VPS13B: variants seen among roughly 807,000 people sequenced by gnomAD.
The protein encoded by VPS13B is vacuolar protein sorting 13 homolog B, also known as intermembrane lipid transfer protein VPS13B.
A neutral mutation model predicts 426.4 loss-of-function variants in VPS13B; 285 were observed. The ratio of observed to expected loss-of-function variants is 0.67; its 90% CI spans 0.61 to 0.74. The LOEUF (loss-of-function observed/expected upper bound fraction) is 0.74. VPS13B is among the 30% of genes least tolerant of loss of function. The pLI is 0.00. For missense variants in VPS13B, 4,537 were observed against 4,782.6 expected, an observed-to-expected ratio of 0.95 and a Z score of 1.51; for synonymous variants, 1,676 against 1,676.4, an observed-to-expected ratio of 1.00 and a Z score of 0.01.
At chr8:99,835,366 A>G (rs781600540) in intron 53 of VPS13B, 42 bp downstream of exon 53, 29 of 1,590,480 alleles carry the variant, frequency 1.8e-5, no homozygotes, top group Non-Finnish European at 1.8e-5. Context: ...CTAAATGTGT[A>G]TTTTTTCTGG....
intron 56 of VPS13B, among the ~76,000 whole-genome samples, chr8:99,856,326 T>C (rs1180167868): frequency 6.6e-6 from 1 of 152,136 alleles, no homozygotes; most frequent in African/African-American, 2.4e-5. Context: ...CTGAAGACCA[T>C]CTGAAAGAAA....
intron 30 of VPS13B, among the ~76,000 whole-genome samples, chr8:99,549,785 T>G (rs550803397): frequency 9.4e-4 from 143 of 152,198 alleles, no homozygotes; most frequent in Middle Eastern, 6.8e-3. Flanking sequence ...GTTCAGAGCC[T>G]TTTCAGGGTT....
intron 3 of VPS13B, among the ~76,000 whole-genome samples, chr8:99,046,555 G>C (rs1843250373): frequency 6.6e-6 from 1 of 152,004 alleles, no homozygotes; most frequent in African/African-American, 2.4e-5. Flanking sequence ...TCTCTTATCT[G>C]ATTGCTCTGG....
At chr8:99,637,899 T>G (rs772424182) in intron 33 of VPS13B, among the ~76,000 whole-genome samples, 4 of 152,136 alleles carry the variant, frequency 2.6e-5, no homozygotes, top group Non-Finnish European at 5.9e-5. Flanking sequence ...TGATTGGAGT[T>G]TGCCATGGAA....
chr8:99,133,887 G>C (rs1809933225), intron 8 of VPS13B, among the ~76,000 whole-genome samples: 1 of 152,158 alleles, frequency 6.6e-6, no homozygotes, highest in African/African-American at 2.4e-5. Flanking sequence ...GAACTATTGG[G>C]AGAATTACCA....
chr8:99,743,181 AACAG>A (rs1424738332), intron 39 of VPS13B, among the ~76,000 whole-genome samples: 3 of 152,178 alleles, frequency 2.0e-5, no homozygotes, highest in Non-Finnish European at 4.4e-5. Context: ...ATACACCAAT[AACAG>A]ACAAACAGCC....
At chr8:99,780,240 G>GT (rs1056805898) in intron 42 of VPS13B, among the ~76,000 whole-genome samples, 1 of 152,000 alleles carries the variant, frequency 6.6e-6, no homozygotes, top group Admixed American at 6.6e-5. Flanking sequence ...TCCAATTTCT[G>GT]TTTTTTGGTT....
chr8:99,121,750 G>A (rs1847946976), intron 8 of VPS13B: 1 of 418,340 alleles, frequency 2.4e-6, no homozygotes, highest in Non-Finnish European at 3.5e-6. Context: ...AAAAAAGAAA[G>A]GAACAGCAAA....
intron 17 of VPS13B, among the ~76,000 whole-genome samples, chr8:99,228,524 T>TTTTATTC (rs1816142520): frequency 6.6e-6 from 1 of 152,154 alleles, no homozygotes; most frequent in Non-Finnish European, 1.5e-5. Context: ...CTAAGAAAAA[T>TTTTATTC]ACAGTTATTT....
intron 1 of VPS13B, 57 bp from the exon 2 acceptor site, chr8:99,013,703 A>C: frequency 6.5e-7 from 1 of 1,547,140 alleles, no homozygotes; most frequent in Non-Finnish European, 8.9e-7. Context: ...TGAGATAACG[A>C]ACGCTCTTTC....
Position 99,840,729 on chromosome 8 carries a change from T to A in VPS13B, c.9942+4991T>A, listed in dbSNP as rs796205972. Reference sequence around the variant, plus strand: ...GTGCCTTGATGAACCAGGACTCAAATGTGTAATCTGTCCATTTGGTGCAGA... The same window carrying A: ...GTGCCTTGATGAACCAGGACTCAAAAGTGTAATCTGTCCATTTGGTGCAGA... On this transcript the variant is annotated intron_variant, in intron 54 of 61. Transcript: ENST00000357162. 3.2e-4 allele frequency among the ~76,000 whole-genome samples: 49 copies of A among 152,264 alleles called. 1 individual carries two copies. The highest frequency in any genetic ancestry group is 1.2e-3 in the African/African-American group (48 of 41,514).
rs72672377 is a variant in VPS13B at position 99,347,034 on chromosome 8, C to T, written c.2825-37174C>T. 7.6e-3 allele frequency: 1,184 copies of T among 154,996 alleles called. 8 individuals carry two copies. The highest frequency in any genetic ancestry group is 0.029 in the South Asian group (147 of 5,058). 9.6% of individuals were successfully genotyped at this position (154,996 alleles called of 1,614,324 possible). ...CCTGTTCCACTGGCCAATGCAGGGG[C>T]CACAGACAGTGGCCAGGACAATGCC... is the stretch of plus-strand genomic sequence containing the variant. On this transcript the variant is annotated intron_variant, in intron 19 of 61. Transcript: ENST00000357162.
chr8:99,754,857 C>T (rs574727448), intron 39 of VPS13B, among the ~76,000 whole-genome samples: 9 of 152,192 alleles, frequency 5.9e-5, no homozygotes, highest in Admixed American at 4.6e-4. Context: ...TAATTAGGAG[C>T]TTTCAGGGGC....
At chr8:99,201,381 T>G (rs1814313187) in intron 17 of VPS13B, among the ~76,000 whole-genome samples, 1 of 152,168 alleles carries the variant, frequency 6.6e-6, no homozygotes. Flanking sequence ...ATAGAAACTT[T>G]GTGCCTCAGT....
intron 33 of VPS13B, among the ~76,000 whole-genome samples, chr8:99,614,570 G>A (rs868624026): frequency 3.3e-5 from 5 of 151,938 alleles, no homozygotes; most frequent in East Asian, 1.9e-4. Flanking sequence ...GAGCCACTGC[G>A]CCTGGCCTAA....
At position 99,457,362 on chromosome 8, in the gene VPS13B, A is replaced by G. The variant is rs75536776; in HGVS notation, c.3446-10052A>G. On this transcript the variant is annotated intron_variant, in intron 23 of 61. Transcript: ENST00000357162. ...TTTGTATCTTTCTAGACAGTTATGTATTCATCTTGAGTTATCTAATTTGTT... is the reference window on the plus strand; with the variant it reads ...TTTGTATCTTTCTAGACAGTTATGTGTTCATCTTGAGTTATCTAATTTGTT... Among the ~76,000 whole-genome samples, 1,514 of 152,276 alleles carry G rather than the reference A, an allele frequency of 9.9e-3. 33 individuals are homozygous for G. The highest frequency in any genetic ancestry group is 0.035 in the African/African-American group (1,451 of 41,560).
chr8:99,619,183 C>A (rs747717741), intron 33 of VPS13B, among the ~76,000 whole-genome samples: 2 of 152,132 alleles, frequency 1.3e-5, no homozygotes, highest in Non-Finnish European at 2.9e-5. Flanking sequence ...CTGAACCAAG[C>A]CCTGTGATTT....
Position 99,699,798 on chromosome 8 carries a change from A to G in VPS13B, c.6320A>G (p.Gln2107Arg). Residue 2107 changes from glutamine (Q) to arginine (R), a missense_variant, in exon 36 of 62, where the codon CAA becomes CGA. Gln to Arg is a conservative substitution (Grantham distance 43). Around this residue, in one of 2 missense-constraint regions of VPS13B, gnomAD observed 4,311 missense variants for 4,474.3 expected, o/e 0.96. Coordinates refer to ENST00000357162, the MANE Select transcript of VPS13B (RefSeq NM_152564.5). ...ENMWRAVSCF[Q>R]KISVQTTQIV... ...ATGTGGAGAGCTGTTTCCTGCTTTCAAAAAATTTCTGTTCAAACTACTCAG... is the reference window on the plus strand; with the variant it reads ...ATGTGGAGAGCTGTTTCCTGCTTTCGAAAAATTTCTGTTCAAACTACTCAG... 1 of 1,613,888 alleles carries G rather than the reference A, an allele frequency of 6.2e-7. No individual in the cohort carries two copies. Among genetic ancestry groups the G allele is most frequent in the Non-Finnish European group, 8.5e-7 (1 of 1,179,908 alleles).
chr8:99,871,790 G>T (rs1817429927), intron 61 of VPS13B, 93 bp downstream of exon 61: 2 of 1,599,530 alleles, frequency 1.3e-6, no homozygotes, highest in Non-Finnish European at 1.7e-6. Context: ...CTGAGCTGCA[G>T]CCTCTGGAGT....
Sources: gnomAD v4.1 joint callset for allele counts (sites outside exome capture counted in the v4.1 genomes callset) on GRCh38, gnomAD v4.1.1 for gene constraint, gnomAD v4.1.1 regional missense constraint, MANE v1.5 for transcripts, NCBI Gene and HGNC (gene_info 2026-07-23, HGNC 2026-07-21) for gene names.